FAM149A: variants seen among roughly 807,000 people sequenced by gnomAD.
The protein encoded by FAM149A is protein FAM149A.
Under a neutral mutation model 78.2 loss-of-function variants are expected in FAM149A, and 71 were observed. That is an observed-to-expected ratio of 0.91 (90% CI 0.75 to 1.11). The LOEUF is 1.11. FAM149A is among the 50% of genes least tolerant of loss of function. The probability of loss-of-function intolerance (pLI) is 0.00; values close to 1 mark genes in which losing one functional copy is unlikely to be tolerated. For missense variants in FAM149A, 1,036 were observed against 971.0 expected, an observed-to-expected ratio of 1.07 and a Z score of -0.89; for synonymous variants, 446 against 410.5, an observed-to-expected ratio of 1.09 and a Z score of -1.04.
intron 1 of FAM149A, among the ~76,000 whole-genome samples, chr4:186,145,337 C>T (rs1401887625): frequency 2.0e-5 from 3 of 152,046 alleles, no homozygotes; most frequent in African/African-American, 2.4e-5. Flanking sequence ...TGGGTCAGGG[C>T]GGTGTGAGTG....
At chr4:186,139,064 AC>A (rs2126402960) in intron 1 of FAM149A, among the ~76,000 whole-genome samples, 1 of 152,162 alleles carries the variant, frequency 6.6e-6, no homozygotes, top group African/African-American at 2.4e-5. Context: ...TGTATTTTGT[AC>A]TTTAGTTATA....
At chr4:186,108,493 C>CT (rs757942122) in intron 1 of FAM149A, among the ~76,000 whole-genome samples, 11 of 152,014 alleles carry the variant, frequency 7.2e-5, no homozygotes, top group Non-Finnish European at 1.0e-4. Context: ...AATTTAGAGG[C>CT]TTTTTTCCAA....
chr4:186,128,876 GTGTA>G (rs1258671295), intron 1 of FAM149A, among the ~76,000 whole-genome samples: 7 of 151,972 alleles, frequency 4.6e-5, no homozygotes, highest in Admixed American at 1.3e-4. Flanking sequence ...AGGGGTGTGT[GTGTA>G]TGGGTGTGTA....
intron 1 of FAM149A, among the ~76,000 whole-genome samples, chr4:186,137,426 T>C (rs537917572): frequency 2.6e-5 from 4 of 152,298 alleles, no homozygotes; most frequent in East Asian, 3.9e-4. Context: ...TGGTATGATA[T>C]GTGCATGGTA....
At position 186,116,537 on chromosome 4, in the gene FAM149A, C is replaced by A. The variant is rs913805985; in HGVS notation, c.566+10895C>A. ...TTATACCCGAGAAAACAATTTTGTT[C>A]TGTCTTATGCGTAGGCTTTTGCTTT... On this transcript the variant is annotated intron_variant, in intron 1 of 13. Coordinates refer to ENST00000389354, the MANE Select transcript of FAM149A (RefSeq NM_001367768.3). 4 of 985,140 alleles carry A rather than the reference C, an allele frequency of 4.1e-6. No homozygotes were observed. The Admixed American group carries it at 1.8e-4, about 45-fold the overall frequency. The allele number at this position is 985,140 out of a possible 1,614,324, so 61.0% of individuals were successfully genotyped here. A position where few individuals can be genotyped will look rare whatever the true frequency, so the allele number is the denominator to read the frequency against.
chr4:186,167,268 C>A lies in FAM149A; in HGVS notation c.2218+6C>A, dbSNP rs199974803. The A allele has an allele frequency of 2.9e-5, 47 of 1,609,442 alleles. No homozygotes were observed. The highest frequency in any genetic ancestry group is 3.9e-5 in the Non-Finnish European group (46 of 1,175,766). On this transcript the variant is annotated splice_donor_region_variant and intron_variant, in intron 13 of 13. Coordinates refer to ENST00000389354, the MANE Select transcript of FAM149A (RefSeq NM_001367768.3). ...AGGTCAAAGTATTTTGACAGGTCAG[C>A]TTTTCTCCATATGTAAATAAAGTGA... is the stretch of plus-strand genomic sequence containing the variant.
rs2099317991 is a variant in FAM149A, at chr4:186,125,641, C to T, written c.566+19999C>T. On this transcript the variant is annotated intron_variant, in intron 1 of 13. Transcript: ENST00000389354. ...GCTTGTTGTCAGGTTTAAGTGAGAT[C>T]ATTCCCATAAGGCACTCAGCAGAGC... 5 of 906,826 alleles carry T rather than the reference C, an allele frequency of 5.5e-6. No homozygotes were observed. In the South Asian group the frequency reaches 2.5e-4, roughly 46 times the overall value. The allele number at this position is 906,826 out of a possible 1,614,324, so 56.2% of individuals were successfully genotyped here.
intron 13 of FAM149A, 21 bp from the exon 14 acceptor site, chr4:186,171,893 C>A: frequency 1.3e-6 from 2 of 1,597,118 alleles, no homozygotes; most frequent in South Asian, 1.1e-5. Context: ...ATGAGAATTA[C>A]CTTTTGCTTG....
intron 1 of FAM149A, among the ~76,000 whole-genome samples, chr4:186,136,144 C>T (rs1392220832): frequency 1.3e-5 from 2 of 152,172 alleles, no homozygotes; most frequent in African/African-American, 4.8e-5. Flanking sequence ...GTAAATCAAA[C>T]ATTGAAAAAC....
intron 1 of FAM149A, among the ~76,000 whole-genome samples, chr4:186,124,433 G>GC (rs1173829388): frequency 6.8e-5 from 10 of 146,902 alleles, no homozygotes; most frequent in Non-Finnish European, 1.5e-4. Flanking sequence ...CCCACAACAG[G>GC]CCCCGGTGTG....
chr4:186,123,456 C>G, intron 1 of FAM149A: 1 of 778,502 alleles, frequency 1.3e-6, no homozygotes, highest in Non-Finnish European at 1.6e-6. Context: ...AAATGCAAGG[C>G]CCTTCATGGC....
chr4:186,165,404 C>G lies in FAM149A; in HGVS notation c.1950C>G (p.Pro650=), dbSNP rs1354483801. 6.2e-7 allele frequency: 1 copy of G among 1,614,160 alleles called. No individual in the cohort carries two copies. Among genetic ancestry groups the G allele is most frequent in the Non-Finnish European group, 8.5e-7 (1 of 1,180,012 alleles). Residue 650 remains proline (P), a synonymous_variant, in exon 11 of 14, where the codon CCC becomes CCG. Coordinates refer to ENST00000389354, the MANE Select transcript of FAM149A (RefSeq NM_001367768.3). ...TTCAAACGTCACGGAGCAGGTTCCC[C>G]CCGCTAGTCACGGAGACCAGGGGGC...
chr4:186,166,915 T>G (rs1303584063), intron 11 of FAM149A, 53 bp from the exon 12 acceptor site: 1 of 1,559,888 alleles, frequency 6.4e-7, no homozygotes, highest in Non-Finnish European at 8.8e-7. Flanking sequence ...TTTTCTTTTG[T>G]GTTTTTAAGG....
At chr4:186,123,126 A>C (rs2099316803) in intron 1 of FAM149A, 1 of 675,428 alleles carries the variant, frequency 1.5e-6, no homozygotes, top group African/African-American at 1.9e-5. Context: ...GCATTCAAAC[A>C]CTGGTCATTC....
In FAM149A at chr4:186,144,862, G is replaced by A; in HGVS notation, c.567-4311G>A. ...CGGGGCGGAGGATCTGGAGAGGGAA[G>A]GGGCGTGCGAGCCCCGCGGACCCCG... On this transcript the variant is annotated intron_variant, in intron 1 of 13. Coordinates refer to ENST00000389354, the MANE Select transcript of FAM149A (RefSeq NM_001367768.3). This position sits in a 1 kb window ranked among gnomAD's most constrained non-coding sequence, Gnocchi z 4.2. The A allele has an allele frequency of 1.0e-6, 1 of 980,374 alleles. No individual in the cohort carries two copies. The highest frequency in any genetic ancestry group is 1.2e-4 in the East Asian group (1 of 8,572). The allele number at this position is 980,374 out of a possible 1,614,324, so 60.7% of individuals were successfully genotyped here.
At chr4:186,106,834 CTACTCGGAAGGCTGAGG>C (rs1311682488) in intron 1 of FAM149A, among the ~76,000 whole-genome samples, 1 of 152,030 alleles carries the variant, frequency 6.6e-6, no homozygotes, top group East Asian at 1.9e-4. Context: ...GTAGTCCCAG[CTACTCGGAAGGCTGAGG>C]CAAGAGGATG....
Position 186,151,967 on chromosome 4 carries a change from T to C in FAM149A, c.854T>C (p.Phe285Ser). The change falls in exon 4 of 14, where the codon TTT becomes TCT. Residue 285 changes from phenylalanine to serine, a missense_variant. Around this residue, in one of 3 missense-constraint regions of FAM149A, gnomAD observed 716 missense variants for 711.8 expected, o/e 1.01. Coordinates refer to ENST00000389354, the MANE Select transcript of FAM149A (RefSeq NM_001367768.3). ...CTCTGGGAGGTGGAGGAAATGTTAT[T>C]TGAAGGGAAAGTGAACCCTCAGACC... 2.5e-6 allele frequency: 4 copies of C among 1,614,176 alleles called. No individual in the cohort carries two copies. Among genetic ancestry groups the C allele is most frequent in the South Asian group, 2.2e-5 (2 of 91,074 alleles).
intron 1 of FAM149A, among the ~76,000 whole-genome samples, chr4:186,138,449 A>G (rs1277475118): frequency 1.3e-5 from 2 of 152,180 alleles, no homozygotes; most frequent in East Asian, 3.8e-4. Flanking sequence ...CACCCCCATG[A>G]TGGAGGGTCA....
intron 1 of FAM149A, among the ~76,000 whole-genome samples, chr4:186,137,002 C>G (rs554487605): frequency 7.3e-6 from 1 of 137,564 alleles, no homozygotes; most frequent in Non-Finnish European, 1.5e-5. Flanking sequence ...CTCTCTCTCT[C>G]TCTCTCTCTC....
Sources: gnomAD v4.1 joint callset for allele counts (sites outside exome capture counted in the v4.1 genomes callset) on GRCh38, gnomAD v4.1.1 for gene constraint, gnomAD v4.1.1 regional missense constraint, Gnocchi (gnomAD v3.1) non-coding constraint, MANE v1.5 for transcripts, NCBI Gene and HGNC (gene_info 2026-07-23, HGNC 2026-07-21) for gene names.